The following PDK1 variants were observed in gnomAD, a reference collection of about 807,000 sequenced individuals.
The protein encoded by PDK1 is pyruvate dehydrogenase kinase 1, also known as [Pyruvate dehydrogenase (acetyl-transferring)] kinase isozyme 1, mitochondrial.
PDK1 carries 39 observed loss-of-function variants against 54.2 expected under a neutral mutation model. The ratio of observed to expected loss-of-function variants is 0.72; its 90% CI spans 0.56 to 0.94. The LOEUF is 0.94. PDK1 is among the 40% of genes least tolerant of loss of function. The pLI, the probability that PDK1 is intolerant of heterozygous loss-of-function variation, is 0.00. For missense variants in PDK1, 552 were observed against 566.0 expected, an observed-to-expected ratio of 0.98 and a Z score of 0.25; for synonymous variants, 221 against 207.1, an observed-to-expected ratio of 1.07 and a Z score of -0.58.
At chr2:172,710,463 C>T in the PDK1 span, among the ~76,000 whole-genome samples, 2 of 152,096 alleles carry the variant, frequency 1.3e-5, no homozygotes, top group African/African-American at 4.8e-5. Flanking sequence ...TTTTTCATTT[C>T]CTTATACATG....
the PDK1 span, among the ~76,000 whole-genome samples, chr2:172,709,601 A>G: frequency 6.6e-6 from 1 of 152,324 alleles, no homozygotes; most frequent in African/African-American, 2.4e-5. Flanking sequence ...TACATTGTGT[A>G]TCAATTTCAG....
At chr2:172,630,203 A>C in the PDK1 span, among the ~76,000 whole-genome samples, 16 of 152,136 alleles carry the variant, frequency 1.1e-4, 1 homozygote, top group African/African-American at 3.6e-4. Context: ...GTGATTTTGG[A>C]TCTTTTCCTA....
chr2:172,718,150 T>G, the PDK1 span, among the ~76,000 whole-genome samples: 1 of 152,178 alleles, frequency 6.6e-6, no homozygotes, highest in African/African-American at 2.4e-5. Context: ...ATGTAAAATT[T>G]GTAATCATAA....
chr2:172,662,009 T>A, the PDK1 span, among the ~76,000 whole-genome samples: 18 of 152,320 alleles, frequency 1.2e-4, no homozygotes, highest in Non-Finnish European at 2.5e-4. Flanking sequence ...TAATGCAGAT[T>A]ATACATGTGT....
chr2:172,690,395 T>A, the PDK1 span, among the ~76,000 whole-genome samples: 2 of 150,516 alleles, frequency 1.3e-5, 1 homozygote, highest in East Asian at 4.1e-4. Context: ...ACTTTTACAC[T>A]GTTGGTGGGA....
chr2:172,690,909 TG>T, the PDK1 span, among the ~76,000 whole-genome samples: 3 of 149,952 alleles, frequency 2.0e-5, no homozygotes, highest in South Asian at 6.4e-4. Flanking sequence ...GATGAGTTGA[TG>T]GGTACAGCAA....
chr2:172,617,236 A>T, the PDK1 span, among the ~76,000 whole-genome samples: 2 of 152,198 alleles, frequency 1.3e-5, no homozygotes, highest in Non-Finnish European at 2.9e-5. Context: ...TACAGGCATG[A>T]GCCACCACGC....
the PDK1 span, among the ~76,000 whole-genome samples, chr2:172,716,450 G>A: frequency 2.0e-5 from 3 of 151,620 alleles, no homozygotes; most frequent in African/African-American, 4.8e-5. Context: ...CTCACCTCCC[G>A]AATAGCTGGG....
chr2:172,593,444 A>T (rs1162736352), intron 10 of PDK1, among the ~76,000 whole-genome samples: 1 of 152,098 alleles, frequency 6.6e-6, no homozygotes, highest in Non-Finnish European at 1.5e-5. Context: ...CAAAAGCTGT[A>T]CTGACAGTGC....
In PDK1 at chr2:172,602,869, A is replaced by T. The variant is rs901238997; in HGVS notation, c.*6900A>T. On this transcript the variant is annotated 3_prime_UTR_variant, in exon 11 of 11. Coordinates refer to ENST00000282077, the MANE Select transcript of PDK1 (RefSeq NM_002610.5). ...TCTCAGTGACCAACAAAAGCAACAA[A>T]TAGGAACAACCACCCATTAAGAACC... is the stretch of plus-strand genomic sequence containing the variant. 2 of 152,188 alleles carry T rather than the reference A, an allele frequency of 1.3e-5. No homozygotes were observed. Among genetic ancestry groups the T allele is most frequent in the African/African-American group, 4.8e-5 (2 of 41,456 alleles). The allele number at this position is 152,188 out of a possible 1,614,324, so 9.4% of individuals were successfully genotyped here. A position where few individuals can be genotyped will look rare whatever the true frequency, so the allele number is the denominator to read the frequency against.
At chr2:172,688,558 A>C in the PDK1 span, among the ~76,000 whole-genome samples, 6 of 152,362 alleles carry the variant, frequency 3.9e-5, no homozygotes, top group African/African-American at 1.4e-4. Context: ...TCTAAGGAGC[A>C]GACCCCAACG....
rs1691258385 is a variant in PDK1, at chr2:172,605,409, T to C, written c.*9440T>C. On this transcript the variant is annotated 3_prime_UTR_variant, in exon 11 of 11. Coordinates refer to ENST00000282077, the MANE Select transcript of PDK1 (RefSeq NM_002610.5). ...TTTTTTTTTGGAAGCAGAGTCTTGC[T>C]CTTTTGCCCAGGCCAGAGTGTAGTG... The C allele has an allele frequency of 7.2e-6, 1 of 138,700 alleles. No homozygotes were observed. The highest frequency in any genetic ancestry group is 1.5e-5 in the Non-Finnish European group (1 of 65,570). 8.6% of individuals were successfully genotyped at this position (138,700 alleles called of 1,614,324 possible). A position where few individuals can be genotyped will look rare whatever the true frequency, so the allele number is the denominator to read the frequency against.
intron 3 of PDK1, among the ~76,000 whole-genome samples, chr2:172,563,759 G>A (rs1460022508): frequency 1.3e-5 from 2 of 152,022 alleles, no homozygotes; most frequent in African/African-American, 2.4e-5. Context: ...ACTTGAACTC[G>A]GGAGGTGGAG....
chr2:172,575,559 C>T (rs1035627930), intron 8 of PDK1, among the ~76,000 whole-genome samples: 6 of 151,642 alleles, frequency 4.0e-5, no homozygotes, highest in South Asian at 2.1e-4. Context: ...GGTGGCTTAA[C>T]GCTTGTAATC....
Position 172,590,735 on chromosome 2 carries a change from T to G in PDK1, c.1057-2200T>G, listed in dbSNP as rs553079574. On this transcript the variant is annotated intron_variant, in intron 9 of 10. Transcript: ENST00000282077. ...ACTGCTGGCTGGGGTGGCCAGCTTT[T>G]ATTCCCTTATTTGGCCCCACCCATG... Among the ~76,000 whole-genome samples, 9 of 152,018 alleles carry G rather than the reference T, an allele frequency of 5.9e-5. No homozygotes were observed. In the East Asian group the frequency reaches 1.4e-3, roughly 23 times the overall value.
chr2:172,604,139 T>C lies in PDK1; in HGVS notation c.*8170T>C, dbSNP rs1427826935. 1 of 152,222 alleles carries C rather than the reference T, an allele frequency of 6.6e-6. No homozygotes were observed. Among genetic ancestry groups the C allele is most frequent in the Non-Finnish European group, 1.5e-5 (1 of 68,044 alleles). The allele number at this position is 152,222 out of a possible 1,614,324, so 9.4% of individuals were successfully genotyped here. On this transcript the variant is annotated 3_prime_UTR_variant, in exon 11 of 11. Coordinates refer to ENST00000282077, the MANE Select transcript of PDK1 (RefSeq NM_002610.5). ...TGAGATTACCCAGGCTGGAGTTTAG[T>C]AGCATGATCTTGGCTCACTGCAACC...
intron 2 of PDK1, among the ~76,000 whole-genome samples, chr2:172,561,957 A>G (rs948878677): frequency 6.6e-6 from 1 of 152,196 alleles, no homozygotes; most frequent in African/African-American, 2.4e-5. Flanking sequence ...ATTAAAAGCC[A>G]TTTTAGAATG....
chr2:172,586,643 G>A (rs1690247428), intron 9 of PDK1, among the ~76,000 whole-genome samples: 1 of 151,938 alleles, frequency 6.6e-6, no homozygotes, highest in Non-Finnish European at 1.5e-5. Flanking sequence ...GTTTTCCTGT[G>A]TAAAACCACA....
the PDK1 span, among the ~76,000 whole-genome samples, chr2:172,680,440 C>G: frequency 6.6e-6 from 1 of 152,144 alleles, no homozygotes; most frequent in Non-Finnish European, 1.5e-5. Context: ...CAGCCTTGAA[C>G]TCCTGGGCTC....
Sources: allele counts gnomAD v4.1 joint callset (sites outside exome capture counted in the v4.1 genomes callset), GRCh38; gene constraint gnomAD v4.1.1; transcripts MANE v1.5; gene names NCBI Gene and HGNC (gene_info 2026-07-23, HGNC 2026-07-21).